Variants in LINGO2 observed in about 807,000 individuals in gnomAD.
The protein encoded by LINGO2 is leucine rich repeat and Ig domain containing 2.
In LINGO2, 14 loss-of-function variants were observed where a neutral mutation model predicts 30.6. The observed-to-expected ratio is 0.46, with a 90% CI of 0.30 to 0.72. LINGO2 has a LOEUF of 0.72. Ranked by LOEUF, LINGO2 falls within the 30% of genes least tolerant of loss-of-function variation. The pLI, the probability that LINGO2 is intolerant of heterozygous loss-of-function variation, is 0.07. For missense variants in LINGO2, 729 were observed against 751.7 expected (o/e 0.97, Z 0.35); for synonymous variants, 317 against 288.5 (o/e 1.10, Z -1.00).
chr9:27,975,014 G>A (rs2118822655), intron 5 of LINGO2, among the ~76,000 whole-genome samples: 1 of 152,200 alleles, frequency 6.6e-6, no homozygotes, highest in African/African-American at 2.4e-5. Flanking sequence ...TGTTGCCAGA[G>A]GAGTTATTAG....
chr9:28,277,737 A>G (rs962772613), intron 4 of LINGO2, among the ~76,000 whole-genome samples: 4 of 150,818 alleles, frequency 2.7e-5, no homozygotes, highest in Non-Finnish European at 5.9e-5. Flanking sequence ...TGAACCCAGG[A>G]GGTGGAGGTT....
At chr9:28,771,982 A>G in the LINGO2 span, among the ~76,000 whole-genome samples, 1 of 152,156 alleles carries the variant, frequency 6.6e-6, no homozygotes, top group Non-Finnish European at 1.5e-5. Flanking sequence ...GAAGACAAGG[A>G]GTATATCTAC....
At chr9:28,037,614 G>A (rs372516884) in intron 4 of LINGO2, among the ~76,000 whole-genome samples, 1 of 152,180 alleles carries the variant, frequency 6.6e-6, no homozygotes, top group Non-Finnish European at 1.5e-5. Context: ...TATCCGCAGC[G>A]CTTGAGCTCT....
intron 3 of LINGO2, among the ~76,000 whole-genome samples, chr9:28,331,399 C>T (rs906385880): frequency 6.6e-6 from 1 of 152,130 alleles, no homozygotes; most frequent in African/African-American, 2.4e-5. Flanking sequence ...CTGTTCTAAT[C>T]ACTTCTAGAA....
the LINGO2 span, among the ~76,000 whole-genome samples, chr9:29,006,997 G>A: frequency 6.6e-6 from 1 of 152,044 alleles, no homozygotes; most frequent in Non-Finnish European, 1.5e-5. Context: ...CAACTCTATA[G>A]CATCTGAGGT....
chr9:28,620,084 G>A (rs1458092888), intron 1 of LINGO2, among the ~76,000 whole-genome samples: 2 of 137,286 alleles, frequency 1.5e-5, no homozygotes, highest in Non-Finnish European at 3.3e-5. Context: ...AGAGCAAATT[G>A]TTTGATTCAG....
chr9:29,124,794 C>T, the LINGO2 span, among the ~76,000 whole-genome samples: 2 of 152,084 alleles, frequency 1.3e-5, no homozygotes, highest in African/African-American at 4.8e-5. Context: ...GAAATAGGAA[C>T]ATTTTTACAC....
the LINGO2 span, among the ~76,000 whole-genome samples, chr9:29,084,198 AT>A: frequency 1.3e-5 from 2 of 149,922 alleles, no homozygotes; most frequent in Non-Finnish European, 3.0e-5. Flanking sequence ...CTACAAAAAA[AT>A]GTGGTTGAAA....
intron 1 of LINGO2, among the ~76,000 whole-genome samples, chr9:28,489,162 G>A (rs1826286795): frequency 6.6e-6 from 1 of 152,188 alleles, no homozygotes; most frequent in East Asian, 1.9e-4. Context: ...TACTGACTGA[G>A]CAATATTTAT....
At chr9:28,022,018 T>C (rs188144743) in intron 4 of LINGO2, among the ~76,000 whole-genome samples, 8 of 152,220 alleles carry the variant, frequency 5.3e-5, no homozygotes, top group African/African-American at 1.2e-4. Context: ...TGAATTGTTT[T>C]ATATTTGTTA....
Position 28,148,554 on chromosome 9 carries a change from C to T in LINGO2, c.-86-136149G>A. 6.7e-7 allele frequency: 1 copy of T among 1,492,718 alleles called. No individual in the cohort carries two copies. Among genetic ancestry groups the T allele is most frequent in the Non-Finnish European group, 9.0e-7 (1 of 1,108,816 alleles). The allele number at this position is 1,492,718 out of a possible 1,614,324, so 92.5% of individuals were successfully genotyped here. A position where few individuals can be genotyped will look rare whatever the true frequency, so the allele number is the denominator to read the frequency against. ...GGGGAAGCAGCTTCCACCTCTAGGCCCCTGGAGACTCAGGGAAACTTCACT... is the reference window on the plus strand; with the variant it reads ...GGGGAAGCAGCTTCCACCTCTAGGCTCCTGGAGACTCAGGGAAACTTCACT... On this transcript the variant is annotated intron_variant, in intron 4 of 5. Coordinates refer to ENST00000379992, the Ensembl canonical transcript of LINGO2. The surrounding 1 kb of genome is among the most constrained non-coding windows in gnomAD (Gnocchi z 5.1).
chr9:28,002,956 A>G (rs796100240), intron 5 of LINGO2, among the ~76,000 whole-genome samples: 32 of 152,264 alleles, frequency 2.1e-4, no homozygotes, highest in African/African-American at 7.5e-4. Flanking sequence ...CTGTCCATGG[A>G]TAGTTGCTCT....
At chr9:27,952,318 C>A (rs1819354465) in intron 5 of LINGO2, among the ~76,000 whole-genome samples, 1 of 151,732 alleles carries the variant, frequency 6.6e-6, no homozygotes, top group Non-Finnish European at 1.5e-5. Flanking sequence ...AACTATTAAA[C>A]CCTATCAAGA....
the LINGO2 span, among the ~76,000 whole-genome samples, chr9:29,172,225 T>C: frequency 6.6e-6 from 1 of 151,878 alleles, no homozygotes; most frequent in Non-Finnish European, 1.5e-5. Flanking sequence ...ATAAATGCTA[T>C]AATAAAGGAT....
intron 4 of LINGO2, among the ~76,000 whole-genome samples, chr9:28,278,006 C>T (rs974137222): frequency 2.0e-5 from 3 of 151,850 alleles, no homozygotes; most frequent in Non-Finnish European, 4.4e-5. Flanking sequence ...CTCCAGTGAA[C>T]CCAAAAATTG....
chr9:28,029,633 C>T (rs926788915), intron 4 of LINGO2, among the ~76,000 whole-genome samples: 20 of 152,092 alleles, frequency 1.3e-4, no homozygotes, highest in Non-Finnish European at 2.9e-4. Flanking sequence ...GACCTGAAAT[C>T]AGCAATAACT....
At chr9:28,119,777 C>T (rs1827039239) in intron 4 of LINGO2, among the ~76,000 whole-genome samples, 1 of 152,140 alleles carries the variant, frequency 6.6e-6, no homozygotes, top group South Asian at 2.1e-4. Flanking sequence ...CAATCTGTCT[C>T]TAGTAAAATT....
chr9:27,989,445 C>CTCTGTGTGTG (rs1224690877), intron 5 of LINGO2, among the ~76,000 whole-genome samples: 1 of 150,390 alleles, frequency 6.6e-6, no homozygotes, highest in Non-Finnish European at 1.5e-5. Flanking sequence ...TGAATGCTCT[C>CTCTGTGTGTG]TGTGTGTGTG....
chr9:29,046,229 T>A, the LINGO2 span, among the ~76,000 whole-genome samples: 14 of 152,300 alleles, frequency 9.2e-5, no homozygotes, highest in East Asian at 2.7e-3. Context: ...GGGAACTGCT[T>A]CCAGCCTTTG....
Sources: gnomAD v4.1 joint callset for allele counts (sites outside exome capture counted in the v4.1 genomes callset) on GRCh38, gnomAD v4.1.1 for gene constraint, Gnocchi (gnomAD v3.1) non-coding constraint, MANE v1.5 for transcripts, NCBI Gene and HGNC (gene_info 2026-07-23, HGNC 2026-07-21) for gene names.